DYDC2: variants seen among roughly 807,000 people sequenced by gnomAD.
The protein encoded by DYDC2 is DPY30 domain containing 2.
DYDC2 carries 19 observed loss-of-function variants against 18.7 expected under a neutral mutation model. The ratio of observed to expected loss-of-function variants is 1.02; its 90% CI spans 0.71 to 1.49. The LOEUF (loss-of-function observed/expected upper bound fraction) is 1.49. Among genes scored for constraint, DYDC2 ranks in the 40% most tolerant of loss-of-function variants. The probability of loss-of-function intolerance (pLI) is 0.00; values close to 1 mark genes in which losing one functional copy is unlikely to be tolerated. For missense variants in DYDC2, 179 were observed against 205.1 expected (o/e 0.87, Z 0.78); for synonymous variants, 63 against 67.6 (o/e 0.93, Z 0.34).
chr10:80,344,846 A>G (rs1201251316), intron 1 of DYDC2: 2 of 201,044 alleles, frequency 9.9e-6, no homozygotes, highest in African/African-American at 4.7e-5. Context: ...TTTTCTTCCC[A>G]GTGTTGGGTA....
intron 3 of DYDC2, 76 bp from the exon 4 acceptor site, chr10:80,362,875 A>G: frequency 3.2e-6 from 5 of 1,551,486 alleles, no homozygotes; most frequent in African/African-American, 1.4e-5. Context: ...AGCCCATATC[A>G]GTCCCCAGTG....
At chr10:80,363,511 AT>A (rs1554848200) in intron 4 of DYDC2, among the ~76,000 whole-genome samples, 118 of 140,446 alleles carry the variant, frequency 8.4e-4, no homozygotes, top group Admixed American at 1.3e-3. Context: ...CGCCCGGCTA[AT>A]TTTTTTTTTT....
At chr10:80,348,256 A>G (rs1158558742) in intron 1 of DYDC2, among the ~76,000 whole-genome samples, 1 of 152,192 alleles carries the variant, frequency 6.6e-6, no homozygotes, top group Non-Finnish European at 1.5e-5. Context: ...TTTTCGAGTA[A>G]GTTATTGGTA....
Position 80,366,880 on chromosome 10 carries a change from A to G in DYDC2, c.463A>G (p.Ile155Val). 1 of 1,614,170 alleles carries G rather than the reference A, an allele frequency of 6.2e-7. No individual in the cohort carries two copies. Among genetic ancestry groups the G allele is most frequent in the Non-Finnish European group, 8.5e-7 (1 of 1,180,026 alleles). The change falls in exon 5 of 5, where the codon ATA becomes GTA. Residue 155 changes from isoleucine (I) to valine (V), a missense_variant. By Grantham distance (29) the Ile-to-Val change is conservative. Transcript: ENST00000256039. ...IDQNFKMPQE[I>V]NYKEAFQHEV... is the part of the protein sequence containing the mutation. Reference sequence around the variant, plus strand: ...CCAGAACTTCAAAATGCCACAAGAAATAAATTACAAGGAGGCTTTTCAGCA... The same window carrying G: ...CCAGAACTTCAAAATGCCACAAGAAGTAAATTACAAGGAGGCTTTTCAGCA...
chr10:80,346,074 T>C (rs1268096662), intron 1 of DYDC2, among the ~76,000 whole-genome samples: 2 of 152,204 alleles, frequency 1.3e-5, no homozygotes, highest in Non-Finnish European at 2.9e-5. Flanking sequence ...TCTCGAACTC[T>C]GGACCTCAAG....
At chr10:80,360,372 A>G (rs1206158064) in intron 2 of DYDC2, among the ~76,000 whole-genome samples, 1 of 152,172 alleles carries the variant, frequency 6.6e-6, no homozygotes, top group East Asian at 1.9e-4. Context: ...CCTGAATCAC[A>G]TCGCTTTTTC....
chr10:80,349,209 A>G, intron 1 of DYDC2, among the ~76,000 whole-genome samples: 1 of 152,226 alleles, frequency 6.6e-6, no homozygotes, highest in East Asian at 1.9e-4. Context: ...AATATTTTAA[A>G]ATAGATTTTG....
intron 3 of DYDC2, 126 bp from the exon 4 acceptor site, chr10:80,362,825 C>A (rs999529823): frequency 2.0e-5 from 27 of 1,339,006 alleles, no homozygotes; most frequent in Non-Finnish European, 2.6e-5. Flanking sequence ...CAGGCTAAAG[C>A]TAGTTACAAG....
At chr10:80,363,772 A>G (rs891810832) in intron 4 of DYDC2, among the ~76,000 whole-genome samples, 2 of 152,198 alleles carry the variant, frequency 1.3e-5, no homozygotes, top group South Asian at 2.1e-4. Flanking sequence ...TTATCAGTGC[A>G]TACTTCAGAT....
chr10:80,349,293 T>C (rs955738452), intron 1 of DYDC2, among the ~76,000 whole-genome samples: 5 of 152,242 alleles, frequency 3.3e-5, no homozygotes, highest in Admixed American at 2.6e-4. Context: ...AAATTCTCAA[T>C]AGTAAACCTA....
intron 2 of DYDC2, among the ~76,000 whole-genome samples, chr10:80,361,839 G>A (rs779509770): frequency 2.0e-5 from 3 of 152,144 alleles, no homozygotes; most frequent in Admixed American, 6.6e-5. Flanking sequence ...ACAACAAAAT[G>A]TTCCAGGCTC....
upstream of DYDC2, among the ~76,000 whole-genome samples, chr10:80,353,317 T>C (rs941377362): frequency 2.6e-5 from 4 of 151,946 alleles, no homozygotes; most frequent in African/African-American, 7.2e-5. Context: ...TCCATGGACA[T>C]GTCTGGCTAA....
intron 2 of DYDC2, among the ~76,000 whole-genome samples, chr10:80,360,845 A>G (rs1432810788): frequency 6.6e-6 from 1 of 150,980 alleles, no homozygotes; most frequent in Non-Finnish European, 1.5e-5. Flanking sequence ...TTGCAGCCAC[A>G]ACCTCCTGGG....
At chr10:80,362,813 A>G (rs1843704867) in intron 3 of DYDC2, 138 bp from the exon 4 acceptor site, 1 of 1,280,852 alleles carries the variant, frequency 7.8e-7, no homozygotes, top group East Asian at 2.3e-5. Flanking sequence ...TGTAACTACT[A>G]GCAGGCTAAA....
chr10:80,359,466 G>A (rs1843592646), intron 2 of DYDC2, among the ~76,000 whole-genome samples: 1 of 152,236 alleles, frequency 6.6e-6, no homozygotes, highest in Non-Finnish European at 1.5e-5. Flanking sequence ...GCTGCAGGCG[G>A]AGCTGCCTGC....
chr10:80,354,305 A>G (rs1396007947), upstream of DYDC2: 1 of 150,578 alleles, frequency 6.6e-6, no homozygotes, highest in Non-Finnish European at 1.5e-5. Flanking sequence ...TGGCCACAAT[A>G]GTGAAATGCT....
At chr10:80,351,950 T>C (rs1337357457), upstream of DYDC2, 1 of 1,614,034 alleles carries the variant, frequency 6.2e-7, no homozygotes, top group Non-Finnish European at 8.5e-7. Flanking sequence ...CATTTCCTGC[T>C]CCATCAGAGC....
chr10:80,350,840 C>T (rs1354764759), intron 1 of DYDC2, among the ~76,000 whole-genome samples: 2 of 152,176 alleles, frequency 1.3e-5, no homozygotes, highest in Non-Finnish European at 2.9e-5. Context: ...GAACTTTCCT[C>T]TCTCCAGCTT....
chr10:80,352,414 T>G (rs756467665), upstream of DYDC2: 2 of 1,519,184 alleles, frequency 1.3e-6, no homozygotes, highest in Admixed American at 4.7e-5. Context: ...GTTGGACCAG[T>G]TTTTTTTCTT....
Sources: gnomAD v4.1 joint callset for allele counts (sites outside exome capture counted in the v4.1 genomes callset) on GRCh38, gnomAD v4.1.1 for gene constraint, MANE v1.5 for transcripts, NCBI Gene and HGNC (gene_info 2026-07-23, HGNC 2026-07-21) for gene names.